The following ITGA10 variants were observed in gnomAD, a reference collection of about 807,000 sequenced individuals.
ITGA10 encodes the protein integrin subunit alpha 10.
In ITGA10, 105 loss-of-function variants were observed where a neutral mutation model predicts 145.2. That is an observed-to-expected ratio of 0.72 (90% CI 0.62 to 0.85). ITGA10 has a LOEUF of 0.85. ITGA10 is among the 40% of genes least tolerant of loss of function. The pLI is 0.00. For missense variants in ITGA10, 1,317 were observed against 1,444.5 expected, an observed-to-expected ratio of 0.91 and a Z score of 1.43; for synonymous variants, 506 against 557.8, an observed-to-expected ratio of 0.91 and a Z score of 1.31.
In ITGA10 at chr1:145,896,744, G is replaced by A. The variant is rs782158484; in HGVS notation, c.2834+25C>T. 5 of 1,575,618 alleles carry A rather than the reference G, an allele frequency of 3.2e-6. No homozygotes were observed. The East Asian group carries it at 8.9e-5, about 28-fold the overall frequency. On this transcript the variant is annotated intron_variant, in intron 23 of 29. Transcript: ENST00000369304. ...GGTATGAGTCTGAGGTCAGAACTGGGTCCCACCCTAGAAGCTGGGCATACC... is the reference window on the plus strand; with the variant it reads ...GGTATGAGTCTGAGGTCAGAACTGGATCCCACCCTAGAAGCTGGGCATACC...
At chr1:145,909,157 A>G (rs1269028603) in intron 1 of ITGA10, among the ~76,000 whole-genome samples, 1 of 151,598 alleles carries the variant, frequency 6.6e-6, no homozygotes, top group Non-Finnish European at 1.5e-5. Flanking sequence ...AAAATTAGCC[A>G]GGCGTGGTAG....
chr1:145,906,258 GC>G, intron 5 of ITGA10, 135 bp downstream of exon 5: 2 of 641,710 alleles, frequency 3.1e-6, no homozygotes, highest in South Asian at 3.7e-5. Context: ...GAAACATGGA[GC>G]TTTTGCAAGC....
In ITGA10 at chr1:145,902,823, G is replaced by C. The variant is rs782019978; in HGVS notation, c.897C>G (p.Arg299=). The C allele has an allele frequency of 1.2e-6, 2 of 1,610,008 alleles. No individual in the cohort carries two copies. The highest frequency in any genetic ancestry group is 2.7e-5 in the African/African-American group (2 of 74,786). ...GGTGAATTCTCACTGCAATCCCATA[G>C]CGTGTCACTCTTCCAGCCTCACAGG... ...LKACEAGRVT[R]YGIAVLGHYL... Residue 299 remains arginine (R), a synonymous_variant, in exon 8 of 30, where the codon CGC becomes CGG. Coordinates refer to ENST00000369304, the MANE Select transcript of ITGA10 (RefSeq NM_003637.5).
chr1:145,907,924 C>T (rs1315297553), intron 1 of ITGA10, among the ~76,000 whole-genome samples: 1 of 151,734 alleles, frequency 6.6e-6, no homozygotes, highest in Non-Finnish European at 1.5e-5. Context: ...GCGCCTGCCA[C>T]CTCGCCCGGC....
At position 145,904,698 on chromosome 1, in the gene ITGA10, G is replaced by A. The variant is rs782539296; in HGVS notation, c.595C>T (p.Pro199Ser). 1 of 1,613,908 alleles carries A rather than the reference G, an allele frequency of 6.2e-7. No individual in the cohort carries two copies. The highest frequency in any genetic ancestry group is 1.1e-5 in the South Asian group (1 of 91,070). The change falls in exon 6 of 30, where the codon CCA (proline) becomes TCA (serine). Residue 199 changes from proline to serine, a missense_variant. Transcript: ENST00000369304. ...RRLVGKLFID[P>S]EQIQVGLVQY... ...CCTTCTCTTACCTGTATCTGTTCTG[G>A]GTCAATAAACAGTTTCCCTACCAGT...
At position 145,906,411 on chromosome 1, in the gene ITGA10, A is replaced by G; in HGVS notation, c.464T>C (p.Leu155Pro). ...VDASFQPQGSLAPTAQRCPTY... is the reference protein window; with the variant it reads ...VDASFQPQGSPAPTAQRCPTY... ...TGGCTCACGTTGGGCAGTGGGTGCC[A>G]GGCTTCCCTGAGGCTGGAATGAAGC... is the stretch of plus-strand genomic sequence containing the variant. Residue 155 changes from leucine to proline, a missense_variant, in exon 5 of 30, where the codon CTG (leucine) becomes CCG (proline). Transcript: ENST00000369304. The G allele has an allele frequency of 6.2e-7, 1 of 1,613,912 alleles. No homozygotes were observed. The highest frequency in any genetic ancestry group is 8.5e-7 in the Non-Finnish European group (1 of 1,179,898).
chr1:145,895,747 G>T lies in ITGA10; in HGVS notation c.3034-36C>A, dbSNP rs374141949. On this transcript the variant is annotated intron_variant, in intron 25 of 29. Transcript: ENST00000369304. Reference sequence around the variant, plus strand: ...ATCCAACTTGAAAGACCCTCCTGATGGGGTGGCGCTAGCCACTCAAGGCTG... The same window carrying T: ...ATCCAACTTGAAAGACCCTCCTGATTGGGTGGCGCTAGCCACTCAAGGCTG... 195 of 1,596,066 alleles carry T rather than the reference G, an allele frequency of 1.2e-4. 1 individual carries two copies. The African/African-American group carries it at 2.4e-3, about 20-fold the overall frequency.
Position 145,904,081 on chromosome 1 carries a change from T to G in ITGA10, c.729A>C (p.Thr243=), listed in dbSNP as rs782578748. ...CCACCATTATTGCTTGGGCAGTCTT[T>G]GTTTCTCGTCCCTCCCGCCGACTGA... ...KNLSRREGRE[T]KTAQAIMVAC... is the part of the protein sequence containing the mutation. The change falls in exon 7 of 30, where the codon ACA becomes ACC. Residue 243 remains threonine, a synonymous_variant. Coordinates refer to ENST00000369304, the MANE Select transcript of ITGA10 (RefSeq NM_003637.5). The G allele has an allele frequency of 9.3e-6, 15 of 1,614,098 alleles. No homozygotes were observed. In the East Asian group the frequency reaches 3.1e-4, roughly 34 times the overall value.
chr1:145,895,559 T>C, intron 26 of ITGA10, 72 bp downstream of exon 26: 2 of 1,500,200 alleles, frequency 1.3e-6, no homozygotes, highest in Middle Eastern at 2.0e-4. Context: ...CCACTCCAGT[T>C]CCTACCCTCT....
In ITGA10 at chr1:145,902,423, G is replaced by A. The variant is rs587633338; in HGVS notation, c.1075+31C>T. The A allele has an allele frequency of 4.7e-5, 76 of 1,608,578 alleles. No homozygotes were observed. The South Asian group carries it at 4.8e-4, about 10-fold the overall frequency. ...CCACCTACACTCCAGAACTTCTCCC[G>A]CCCTGTCCATTTCTCCAGAGTAATC... is the stretch of plus-strand genomic sequence containing the variant. On this transcript the variant is annotated intron_variant, in intron 9 of 29. Coordinates refer to ENST00000369304, the MANE Select transcript of ITGA10 (RefSeq NM_003637.5).
chr1:145,902,908 A>C lies in ITGA10; in HGVS notation c.812T>G (p.Leu271Arg), dbSNP rs1656558581. ...HGGRPEAARLLVVVTDGESHD... is the reference protein window; with the variant it reads ...HGGRPEAARLRVVVTDGESHD... ...GGACTCTCCATCAGTGACAACCACC[A>C]GTAGCCTGGCAGCCTCGGGTCGGCC... Residue 271 changes from leucine (L) to arginine (R), a missense_variant, in exon 8 of 30, where the codon CTG (leucine) becomes CGG (arginine). Physicochemically the swap from Leu to Arg is moderately radical, Grantham distance 102 (BLOSUM62 -2). Transcript: ENST00000369304. 1.9e-6 allele frequency: 3 copies of C among 1,613,910 alleles called. No individual in the cohort carries two copies. The highest frequency in any genetic ancestry group is 2.5e-6 in the Non-Finnish European group (3 of 1,179,888).
rs782021189 is a variant in ITGA10 at position 145,895,702 on chromosome 1, T to C, written c.3043A>G (p.Ile1015Val). 3 of 1,614,136 alleles carry C rather than the reference T, an allele frequency of 1.9e-6. No individual in the cohort carries two copies. Among genetic ancestry groups the C allele is most frequent in the African/African-American group, 2.7e-5 (2 of 74,946 alleles). ...GGGGGTTCAGTCAGGTTCTGCACTATGCAGCTTGCCTAGAGGAAGATCCAA... is the reference window on the plus strand; with the variant it reads ...GGGGGTTCAGTCAGGTTCTGCACTACGCAGCTTGCCTAGAGGAAGATCCAA... ...SQVITNNASC[I>V]VQNLTEPPGP... Residue 1015 changes from isoleucine to valine, a missense_variant, in exon 26 of 30, where the codon ATA (isoleucine) becomes GTA (valine). By Grantham distance (29) the Ile-to-Val change is conservative. Coordinates refer to ENST00000369304, the MANE Select transcript of ITGA10 (RefSeq NM_003637.5).
Position 145,902,471 on chromosome 1 carries a change from C to T in ITGA10, c.1058G>A (p.Arg353Gln), listed in dbSNP as rs782665294. The T allele has an allele frequency of 1.2e-5, 20 of 1,611,078 alleles. No individual in the cohort carries two copies. In the South Asian group the frequency reaches 1.4e-4, roughly 12 times the overall value. Residue 353 changes from arginine to glutamine, a missense_variant, in exon 9 of 30, where the codon CGG (arginine) becomes CAG (glutamine). Physicochemically the swap from Arg to Gln is conservative, Grantham distance 43. Coordinates refer to ENST00000369304, the MANE Select transcript of ITGA10 (RefSeq NM_003637.5). ...LTDIVDALGD[R>Q]IFGLEGSHAE... ...ATCCTCACCTTCAAGGCCAAAAATC[C>T]GATCTCCTAGTGCATCCACAATGTC...
chr1:145,899,131 T>C (rs374671539), intron 16 of ITGA10, 44 bp downstream of exon 16: 1 of 1,614,120 alleles, frequency 6.2e-7, no homozygotes, highest in African/African-American at 1.3e-5. Flanking sequence ...GAGGAAGGCA[T>C]GCAAGGAATT....
At position 145,906,111 on chromosome 1, in the gene ITGA10, T is replaced by G. The variant is rs138085645; in HGVS notation, c.481+283A>C. Reference sequence around the variant, plus strand: ...TAATTTTTGTATTTTTTTTTTTTAGTAGAGATGGAGTTTCACCATGTTGGC... The same window carrying G: ...TAATTTTTGTATTTTTTTTTTTTAGGAGAGATGGAGTTTCACCATGTTGGC... On this transcript the variant is annotated intron_variant, in intron 5 of 29. Transcript: ENST00000369304. 5.2e-3 allele frequency: 1,562 copies of G among 300,704 alleles called. 25 individuals carry two copies. The highest frequency in any genetic ancestry group is 0.032 in the African/African-American group (1,453 of 45,520). The allele number at this position is 300,704 out of a possible 1,614,324, so 18.6% of individuals were successfully genotyped here.
Position 145,899,106 on chromosome 1 carries a change from G to A in ITGA10, c.2090-28C>T, listed in dbSNP as rs1655861094. On this transcript the variant is annotated intron_variant, in intron 16 of 29. Transcript: ENST00000369304. ...GAATGAAGGAGGCAAGAGTGAGGGT[G>A]GAAAGGGGTCTAGTGAGGAAGGCAT... 5.0e-6 allele frequency: 8 copies of A among 1,614,244 alleles called. No homozygotes were observed. In the South Asian group the frequency reaches 7.7e-5, roughly 16 times the overall value.
chr1:145,900,963 G>A lies in ITGA10; in HGVS notation c.1618C>T (p.Gln540Ter), dbSNP rs1553748032. 2 of 1,614,146 alleles carry A rather than the reference G, an allele frequency of 1.2e-6. No individual in the cohort carries two copies. Among genetic ancestry groups the A allele is most frequent in the East Asian group, 2.2e-5 (1 of 44,878 alleles). The change falls in exon 14 of 30, where the codon CAG becomes TAG. Residue 540 changes from glutamine (Q) to a stop codon, truncating the protein, a stop_gained. Transcript: ENST00000369304. LOFTEE classifies it high-confidence loss of function. ...CGAGCATCCTGGGGGGGTTCTGGCT[G>A]AAGTGTTCCTTGGAGGGTCAGCAAG... is the stretch of plus-strand genomic sequence containing the variant. The part of the protein sequence containing the change: ...QSLLTLQGTL[Q>*]PEPPQDARFG...
At chr1:145,897,689 A>G in intron 19 of ITGA10, 36 bp from the exon 20 acceptor site, 1 of 1,613,710 alleles carries the variant, frequency 6.2e-7, no homozygotes, top group Non-Finnish European at 8.5e-7. Context: ...CCAGGAGTTG[A>G]AGGAGGGGAG....
Position 145,907,411 on chromosome 1 carries a change from G to T in ITGA10, c.107C>A (p.Pro36Gln). 6.2e-7 allele frequency: 1 copy of T among 1,614,140 alleles called. No homozygotes were observed. Among genetic ancestry groups the T allele is most frequent in the Non-Finnish European group, 8.5e-7 (1 of 1,180,036 alleles). Residue 36 changes from proline (P) to glutamine (Q), a missense_variant, in exon 2 of 30, where the codon CCA (proline) becomes CAA (glutamine). Physicochemically the swap from Pro to Gln is moderately conservative, Grantham distance 76. Coordinates refer to ENST00000369304, the MANE Select transcript of ITGA10 (RefSeq NM_003637.5). The part of the protein sequence containing the change: ...DEHHPRLFPG[P>Q]PEAEFGYSVL... ...ACTGTATCCAAATTCAGCTTCTGGT[G>T]GCCCTGGGAATAGGCGTGGGTGATG... is the stretch of plus-strand genomic sequence containing the variant.
Sources: gnomAD v4.1 joint callset for allele counts (sites outside exome capture counted in the v4.1 genomes callset) on GRCh38, gnomAD v4.1.1 for gene constraint, MANE v1.5 for transcripts, NCBI Gene and HGNC (gene_info 2026-07-23, HGNC 2026-07-21) for gene names.